Variants in PNPLA6 observed in about 807,000 individuals in gnomAD.
The protein encoded by PNPLA6 is patatin like domain 6, lysophospholipase, also known as patatin-like phospholipase domain-containing protein 6.
In PNPLA6, 105 loss-of-function variants were observed where a neutral mutation model predicts 153.7. That is an observed-to-expected ratio of 0.68 (90% CI 0.58 to 0.80). PNPLA6 has a LOEUF of 0.80. PNPLA6 is among the 30% of genes least tolerant of loss of function. The probability of loss-of-function intolerance (pLI) is 0.00; values close to 1 mark genes in which losing one functional copy is unlikely to be tolerated. For missense variants in PNPLA6, 1,423 were observed against 1,919.3 expected, an observed-to-expected ratio of 0.74 and a Z score of 4.83; for synonymous variants, 825 against 822.2, an observed-to-expected ratio of 1.00 and a Z score of -0.06.
chr19:7,543,169 G>T, intron 13 of PNPLA6, 85 bp downstream of exon 13: 1 of 1,155,234 alleles, frequency 8.7e-7, no homozygotes, highest in Admixed American at 1.8e-5. Context: ...CCCTTTGACT[G>T]TAAGACCAGC....
Position 7,551,461 on chromosome 19 carries a change from G to A in PNPLA6, c.2260+24G>A, listed in dbSNP as rs473899. 847,542 of 1,597,384 alleles carry A rather than the reference G, an allele frequency of 0.53. 227,661 individuals carry two copies. The highest frequency in any genetic ancestry group is 0.7 in the Admixed American group (41,926 of 59,920). ...AGGTGAGAGCCGGCCGGCCCAGAGC[G>A]TGCTGGGAGATGTAGTCCGGCGTCC... On this transcript the variant is annotated intron_variant, in intron 18 of 31. Transcript: ENST00000600737.
intron 20 of PNPLA6, 38 bp from the exon 21 acceptor site, chr19:7,554,517 G>A: frequency 1.9e-6 from 3 of 1,612,656 alleles, no homozygotes; most frequent in Non-Finnish European, 2.5e-6. Context: ...CTGACCCCAG[G>A]CCAACCCCAG....
chr19:7,550,427 C>T lies in PNPLA6; in HGVS notation c.1944C>T (p.Tyr648=). ...WTAVEAGRAL[Y]RQGDRSDCTY... ...CAGTGGAGGCGGGACGCGCGCTGTA[C>T]AGGTGCAGCTCCCACCGCGCTGCTC... The change falls in exon 15 of 32, where the codon TAC becomes TAT. Residue 648 remains tyrosine, a splice_region_variant and synonymous_variant. Transcript: ENST00000600737. 6.2e-7 allele frequency: 1 copy of T among 1,611,396 alleles called. No individual in the cohort carries two copies. Among genetic ancestry groups the T allele is most frequent in the Non-Finnish European group, 8.5e-7 (1 of 1,179,844 alleles).
intron 27 of PNPLA6, among the ~76,000 whole-genome samples, chr19:7,558,429 C>G (rs537339351): frequency 6.6e-6 from 1 of 152,082 alleles, no homozygotes; most frequent in Non-Finnish European, 1.5e-5. Flanking sequence ...GTCAGGAATT[C>G]GAGGCCAGCC....
In PNPLA6 at chr19:7,541,416, C is replaced by G. The variant is rs1297266030; in HGVS notation, c.987C>G (p.Thr329=). ...CACTGCACAACTACCTGGGTCTGAC[C>G]AATGAGCTCTTCAGCCACGTGAGTG... The part of the protein sequence containing the change: ...FLALHNYLGL[T]NELFSHEIQP... The change falls in exon 8 of 32, where the codon ACC becomes ACG. Residue 329 remains threonine, a synonymous_variant. Transcript: ENST00000600737. This position sits in a 1 kb window ranked among gnomAD's most constrained non-coding sequence, Gnocchi z 5.2. 2.5e-6 allele frequency: 4 copies of G among 1,613,794 alleles called. No individual in the cohort carries two copies. The highest frequency in any genetic ancestry group is 2.7e-5 in the African/African-American group (2 of 74,918).
intron 26 of PNPLA6, chr19:7,556,947 C>A: frequency 2.9e-6 from 2 of 689,300 alleles, no homozygotes; most frequent in Non-Finnish European, 5.3e-6. Context: ...GCCTTACCCC[C>A]CTCACGCCAT....
At chr19:7,558,810 C>T (rs1430443516) in intron 27 of PNPLA6, 40 bp from the exon 28 acceptor site, 2 of 1,533,398 alleles carry the variant, frequency 1.3e-6, no homozygotes, top group East Asian at 2.3e-5. Context: ...TGCCCCGGGC[C>T]CCCGAGGGGA....
At chr19:7,546,191 ATGT>A (rs1473136915) in intron 13 of PNPLA6, among the ~76,000 whole-genome samples, 2 of 152,112 alleles carry the variant, frequency 1.3e-5, no homozygotes, top group African/African-American at 4.8e-5. Flanking sequence ...GCTTGTGCAA[ATGT>A]TGTGTGGTGG....
At position 7,558,916 on chromosome 19, in the gene PNPLA6, C is replaced by T. The variant is rs1404148214; in HGVS notation, c.3464C>T (p.Thr1155Met). Reference protein sequence around the residue: ...IAIDVGSQDETDLSTYGDSLS... With the variant: ...IAIDVGSQDEMDLSTYGDSLS... ...ATTGACGTGGGGAGCCAGGATGAGA[C>T]GGACCTCAGCACCTACGGGGACAGC... The change falls in exon 28 of 32, where the codon ACG (threonine) becomes ATG (methionine). Residue 1155 changes from threonine (T) to methionine (M), a missense_variant. Physicochemically the swap from Thr to Met is moderately conservative, Grantham distance 81 (BLOSUM62 -1). Transcript: ENST00000600737. The T allele has an allele frequency of 3.7e-6, 6 of 1,614,022 alleles. No individual in the cohort carries two copies. Among genetic ancestry groups the T allele is most frequent in the South Asian group, 1.1e-5 (1 of 91,076 alleles).
intron 18 of PNPLA6, among the ~76,000 whole-genome samples, chr19:7,552,197 C>A (rs1276257707): frequency 6.6e-6 from 1 of 152,212 alleles, no homozygotes; most frequent in African/African-American, 2.4e-5. Context: ...CTGGGCACCT[C>A]GCCTTCTGAA....
chr19:7,557,091 G>A (rs2023913155), intron 26 of PNPLA6, 77 bp from the exon 27 acceptor site: 5 of 1,088,372 alleles, frequency 4.6e-6, no homozygotes, highest in South Asian at 1.2e-5. Context: ...AGGTCAGCGA[G>A]CCCATCGGGC....
chr19:7,536,418 A>G, intron 2 of PNPLA6, 31 bp from the exon 3 acceptor site: 1 of 1,526,054 alleles, frequency 6.6e-7, no homozygotes, highest in African/African-American at 1.4e-5. Flanking sequence ...CTGAATTAGC[A>G]ATTCACCCAT....
At chr19:7,539,808 C>A in intron 3 of PNPLA6, 110 bp from the exon 4 acceptor site, 1 of 695,516 alleles carries the variant, frequency 1.4e-6, no homozygotes, top group Non-Finnish European at 2.4e-6. Context: ...GGCCAGCGGG[C>A]CAGAGTTTGC....
In PNPLA6 at chr19:7,541,342, C is replaced by G. The variant is rs370904772; in HGVS notation, c.925-12C>G. 28 of 1,612,282 alleles carry G rather than the reference C, an allele frequency of 1.7e-5. No individual in the cohort carries two copies. The highest frequency in any genetic ancestry group is 2.3e-5 in the Non-Finnish European group (27 of 1,178,850). On this transcript the variant is annotated splice_polypyrimidine_tract_variant and intron_variant, in intron 7 of 31. Transcript: ENST00000600737. The surrounding 1 kb of genome is among the most constrained non-coding windows in gnomAD (Gnocchi z 5.2). The stretch of plus-strand genomic sequence containing the variant: ...CGCCCCATCTTATGGCCACGCCCCT[C>G]GAGCCCTGCAGATCATCATGGTGCG...
chr19:7,540,650 G>A lies in PNPLA6; in HGVS notation c.735G>A (p.Val245=), dbSNP rs1169767769. 1.2e-6 allele frequency: 2 copies of A among 1,613,794 alleles called. No individual in the cohort carries two copies. The highest frequency in any genetic ancestry group is 8.5e-7 in the Non-Finnish European group (1 of 1,179,722). The part of the protein sequence containing the change: ...LPGPDGKECV[V]KEVVPGDSVN... ...CTCAGGACGGGAAGGAGTGTGTGGT[G>A]AAGGAAGTGGTTCCTGGGGACAGCG... Residue 245 remains valine (V), a synonymous_variant, in exon 6 of 32, where the codon GTG becomes GTA. Coordinates refer to ENST00000600737, the MANE Select transcript of PNPLA6 (RefSeq NM_001166114.2). The surrounding 1 kb of genome is among the most constrained non-coding windows in gnomAD (Gnocchi z 6.8).
chr19:7,537,042 T>TAG (rs2022910525), intron 3 of PNPLA6, among the ~76,000 whole-genome samples: 1 of 151,884 alleles, frequency 6.6e-6, no homozygotes, highest in South Asian at 2.1e-4. Context: ...ATGCTGTCTC[T>TAG]AGGGTATCTC....
chr19:7,536,950 A>AAAG (rs1225485301), intron 3 of PNPLA6, among the ~76,000 whole-genome samples: 7,803 of 125,052 alleles, frequency 0.062, 379 homozygotes, highest in African/African-American at 0.092. Flanking sequence ...AAAAAAAAAA[A>AAAG]AAGAAGAAGA....
Position 7,536,529 on chromosome 19 carries a change from GC to G in PNPLA6, c.397del (p.Leu133SerfsTer27). Reference sequence around the variant, plus strand: ...CACGCATGAGGAAGAAACTGAAGATGCTCAACATTGCCAAGAAGTAAGGCTG... The same window carrying G: ...CACGCATGAGGAAGAAACTGAAGATGTCAACATTGCCAAGAAGTAAGGCTG... ...RPRMRKKLKM[L>X]NIAKKILRIQ... On this transcript the variant is annotated frameshift_variant, in exon 3 of 32. Coordinates refer to ENST00000600737, the MANE Select transcript of PNPLA6 (RefSeq NM_001166114.2). LOFTEE classifies it high-confidence loss of function. The G allele has an allele frequency of 1.2e-6, 2 of 1,612,468 alleles. No homozygotes were observed. The highest frequency in any genetic ancestry group is 1.7e-6 in the Non-Finnish European group (2 of 1,178,448).
chr19:7,555,287 C>G lies in PNPLA6; in HGVS notation c.2856C>G (p.Asp952Glu). The G allele has an allele frequency of 6.3e-7, 1 of 1,594,744 alleles. No individual in the cohort carries two copies. Among genetic ancestry groups the G allele is most frequent in the Non-Finnish European group, 8.5e-7 (1 of 1,170,714 alleles). ...LYEKVFSRRA[D>E]RHSDFSRLAR... Reference sequence around the variant, plus strand: ...AGAAGGTTTTCTCCAGGCGCGCGGACCGGCACAGCGACTTCTCCCGCTTGG... The same window carrying G: ...AGAAGGTTTTCTCCAGGCGCGCGGAGCGGCACAGCGACTTCTCCCGCTTGG... The change falls in exon 23 of 32, where the codon GAC becomes GAG. Residue 952 changes from aspartate (D) to glutamate (E), a missense_variant. Coordinates refer to ENST00000600737, the MANE Select transcript of PNPLA6 (RefSeq NM_001166114.2). The surrounding 1 kb of genome is among the most constrained non-coding windows in gnomAD (Gnocchi z 6.3).
Sources: gnomAD v4.1 joint callset for allele counts (sites outside exome capture counted in the v4.1 genomes callset) on GRCh38, gnomAD v4.1.1 for gene constraint, Gnocchi (gnomAD v3.1) non-coding constraint, MANE v1.5 for transcripts, NCBI Gene and HGNC (gene_info 2026-07-23, HGNC 2026-07-21) for gene names.